PDSS2: variants seen among roughly 807,000 people sequenced by gnomAD.
The protein encoded by PDSS2 is decaprenyl diphosphate synthase subunit 2.
A neutral mutation model predicts 44.5 loss-of-function variants in PDSS2; 31 were observed. That is an observed-to-expected ratio of 0.70 (90% CI 0.52 to 0.94). The LOEUF is 0.94. Among genes scored for constraint, PDSS2 ranks in the 40% least tolerant of loss-of-function variants. The pLI is 0.00. For missense variants in PDSS2, 452 were observed against 482.2 expected (o/e 0.94, Z 0.59); for synonymous variants, 157 against 180.3 (o/e 0.87, Z 1.03).
intron 1 of PDSS2, among the ~76,000 whole-genome samples, chr6:107,387,040 T>C (rs1035518651): frequency 2.0e-5 from 3 of 152,334 alleles, no homozygotes; most frequent in African/African-American, 7.2e-5. Flanking sequence ...AGCTGCTTCC[T>C]TCTCAAATAA....
intron 3 of PDSS2, among the ~76,000 whole-genome samples, chr6:107,267,396 T>C (rs1335622134): frequency 6.6e-6 from 1 of 152,092 alleles, no homozygotes; most frequent in Non-Finnish European, 1.5e-5. Flanking sequence ...ACTGCAAATA[T>C]GGTGAAAAGG....
intron 1 of PDSS2, among the ~76,000 whole-genome samples, chr6:107,384,156 A>AT (rs922338347): frequency 4.6e-5 from 7 of 152,246 alleles, no homozygotes; most frequent in Admixed American, 3.3e-4. Context: ...CCAGGCAGAA[A>AT]TGGACAAATA....
At chr6:107,293,568 G>A (rs777150232) in intron 2 of PDSS2, among the ~76,000 whole-genome samples, 23 of 152,116 alleles carry the variant, frequency 1.5e-4, no homozygotes, top group Non-Finnish European at 2.5e-4. Flanking sequence ...GCAGGTGGAG[G>A]ATTAAAGAAC....
At chr6:107,323,143 A>G (rs541174848) in intron 2 of PDSS2, among the ~76,000 whole-genome samples, 225 of 152,342 alleles carry the variant, frequency 1.5e-3, no homozygotes, top group Non-Finnish European at 2.2e-3. Context: ...ATCAGTGGAC[A>G]TGGGTGGATT....
chr6:107,268,605 T>C (rs1284050778), intron 3 of PDSS2, among the ~76,000 whole-genome samples: 3 of 152,222 alleles, frequency 2.0e-5, no homozygotes, highest in Non-Finnish European at 2.9e-5. Context: ...CTACATAGTT[T>C]AATCCATTTC....
intron 4 of PDSS2, among the ~76,000 whole-genome samples, chr6:107,227,277 C>CTT (rs1166276736): frequency 1.8e-4 from 12 of 64,970 alleles, no homozygotes; most frequent in African/African-American, 8.2e-4. Flanking sequence ...GCCACTGTGC[C>CTT]CTTTTTTTTT....
At chr6:107,448,391 ATC>A (rs1377824677) in intron 1 of PDSS2, among the ~76,000 whole-genome samples, 2 of 152,170 alleles carry the variant, frequency 1.3e-5, no homozygotes, top group African/African-American at 4.8e-5. Flanking sequence ...ACCCTAAATC[ATC>A]TCTCTCAAGT....
rs141195650 is a variant in PDSS2 at position 107,431,674 on chromosome 6, G to C, written c.296+27316C>G. On this transcript the variant is annotated intron_variant, in intron 1 of 7. Transcript: ENST00000369037. ...GTGGGTTCCTAAAACTATTTTTCAAGAAAACTTGGGCAAAGAAAAAAAAAG... is the reference window on the plus strand; with the variant it reads ...GTGGGTTCCTAAAACTATTTTTCAACAAAACTTGGGCAAAGAAAAAAAAAG... Among the ~76,000 whole-genome samples, 339 of 151,770 alleles carry C rather than the reference G, an allele frequency of 2.2e-3. 1 individual carries two copies. Among genetic ancestry groups the C allele is most frequent in the African/African-American group, 7.3e-3 (302 of 41,370 alleles).
At chr6:107,303,939 G>A (rs1180729698) in intron 2 of PDSS2, among the ~76,000 whole-genome samples, 1 of 152,030 alleles carries the variant, frequency 6.6e-6, no homozygotes, top group Non-Finnish European at 1.5e-5. Flanking sequence ...TTTGTTTTTT[G>A]ACCATCTATA....
Position 107,445,509 on chromosome 6 carries a change from G to T in PDSS2, c.296+13481C>A, listed in dbSNP as rs111413874. ...TGTAATCAAAAGCCTTAATATTTCT[G>T]CATCAAATGCATAAATATTCATATT... On this transcript the variant is annotated intron_variant, in intron 1 of 7. Coordinates refer to ENST00000369037, the MANE Select transcript of PDSS2 (RefSeq NM_020381.4). 8.3e-3 allele frequency among the ~76,000 whole-genome samples: 1,265 copies of T among 152,198 alleles called. 19 individuals are homozygous for T. Among genetic ancestry groups the T allele is most frequent in the African/African-American group, 0.025 (1,034 of 41,502 alleles).
rs1451396217 is a variant in PDSS2, at chr6:107,459,505, G to T, written c.-220C>A. The stretch of plus-strand genomic sequence containing the variant: ...ACAGTCCCAGCTCAGCACTGCCCCC[G>T]GCCACCCGGGGTAGAAACCACAGCC... On this transcript the variant is annotated 5_prime_UTR_variant, in exon 1 of 8. Transcript: ENST00000369037. The surrounding 1 kb of genome is among the most constrained non-coding windows in gnomAD (Gnocchi z 4.3). 6.0e-5 allele frequency: 35 copies of T among 579,934 alleles called. 1 individual carries two copies. The highest frequency in any genetic ancestry group is 4.6e-4 in the Middle Eastern group (1 of 2,174). The allele number at this position is 579,934 out of a possible 1,614,324, so 35.9% of individuals were successfully genotyped here. A position where few individuals can be genotyped will look rare whatever the true frequency, so the allele number is the denominator to read the frequency against.
chr6:107,458,138 G>C (rs1002559406), intron 1 of PDSS2, among the ~76,000 whole-genome samples: 2 of 151,566 alleles, frequency 1.3e-5, no homozygotes, highest in Non-Finnish European at 2.9e-5. Flanking sequence ...TTGTAACTTC[G>C]CTGTATGTTT....
chr6:107,274,399 G>A (rs1297792245), intron 2 of PDSS2, among the ~76,000 whole-genome samples, 172 bp from the exon 3 acceptor site: 1 of 151,896 alleles, frequency 6.6e-6, no homozygotes, highest in African/African-American at 2.4e-5. Flanking sequence ...AGCAGTTTGG[G>A]ATCTGTAAGA....
At chr6:107,228,121 A>C (rs1773897654) in intron 4 of PDSS2, among the ~76,000 whole-genome samples, 1 of 151,056 alleles carries the variant, frequency 6.6e-6, no homozygotes, top group Non-Finnish European at 1.5e-5. Flanking sequence ...GATAGTTGTA[A>C]GTAACCTAGA....
chr6:107,193,213 G>T (rs1351216977), intron 7 of PDSS2, among the ~76,000 whole-genome samples: 2 of 152,192 alleles, frequency 1.3e-5, no homozygotes, highest in Admixed American at 1.3e-4. Context: ...TATCTGTGGA[G>T]ACATTTTCAA....
chr6:107,164,877 T>A (rs1209273722), intron 7 of PDSS2, among the ~76,000 whole-genome samples: 1 of 152,212 alleles, frequency 6.6e-6, no homozygotes, highest in Non-Finnish European at 1.5e-5. Flanking sequence ...TGTGAGATGG[T>A]ATCTCATTGT....
chr6:107,315,883 A>G (rs1402730637), intron 2 of PDSS2, among the ~76,000 whole-genome samples: 3 of 152,182 alleles, frequency 2.0e-5, no homozygotes, highest in African/African-American at 7.2e-5. Context: ...AAGTGAGAGG[A>G]GGCTGGGGCG....
chr6:107,195,019 G>T (rs1318921153), intron 6 of PDSS2, among the ~76,000 whole-genome samples: 1 of 151,806 alleles, frequency 6.6e-6, no homozygotes, highest in African/African-American at 2.4e-5. Context: ...TTTGTGTTTT[G>T]CAGACTTCAG....
intron 2 of PDSS2, among the ~76,000 whole-genome samples, chr6:107,308,670 T>C (rs1441868533): frequency 1.3e-5 from 2 of 152,224 alleles, no homozygotes; most frequent in African/African-American, 2.4e-5. Flanking sequence ...GTACTTCTCT[T>C]AGATGATGAG....
Sources: gnomAD v4.1 joint callset for allele counts (sites outside exome capture counted in the v4.1 genomes callset) on GRCh38, gnomAD v4.1.1 for gene constraint, Gnocchi (gnomAD v3.1) non-coding constraint, MANE v1.5 for transcripts, NCBI Gene and HGNC (gene_info 2026-07-23, HGNC 2026-07-21) for gene names.